Variants in PPARGC1A observed in about 807,000 individuals in gnomAD.
PPARGC1A encodes the protein peroxisome proliferator-activated receptor gamma coactivator 1-alpha.
A neutral mutation model predicts 88.7 loss-of-function variants in PPARGC1A; 25 were observed. The ratio of observed to expected loss-of-function variants is 0.28; its 90% confidence interval spans 0.21 to 0.39. The LOEUF (loss-of-function observed/expected upper bound fraction) is 0.39, where lower values mean the gene tolerates loss of function less well. PPARGC1A is among the 10% of genes least tolerant of loss of function. The pLI is 1.00. For missense variants in PPARGC1A, 880 were observed against 968.7 expected (o/e 0.91, Z 1.22); for synonymous variants, 363 against 355.6 (o/e 1.02, Z -0.24).
the PPARGC1A span, among the ~76,000 whole-genome samples, chr4:24,270,323 C>G: frequency 8.5e-3 from 464 of 54,808 alleles, 6 homozygotes; most frequent in African/African-American, 0.032. Flanking sequence ...CTCTCTCTCT[C>G]TCTCTCTCTC....
At chr4:23,907,575 G>C (rs1720196602), upstream of PPARGC1A, among the ~76,000 whole-genome samples, 1 of 152,138 alleles carries the variant, frequency 6.6e-6, no homozygotes, top group African/African-American at 2.4e-5. Flanking sequence ...TGCTTAACTT[G>C]TCTGATTCTT....
At chr4:23,801,999 A>G in intron 11 of PPARGC1A, 118 bp from the exon 12 acceptor site, 2 of 1,343,494 alleles carry the variant, frequency 1.5e-6, no homozygotes, top group East Asian at 2.5e-5. Flanking sequence ...GAATCCATTT[A>G]TCAGTGTGAT....
chr4:24,396,880 T>A, the PPARGC1A span, among the ~76,000 whole-genome samples: 2 of 152,158 alleles, frequency 1.3e-5, no homozygotes, highest in African/African-American at 4.8e-5. Flanking sequence ...CCTGGTCCCT[T>A]TTGGTGTGAT....
At chr4:23,938,151 C>A in the PPARGC1A span, among the ~76,000 whole-genome samples, 13 of 151,510 alleles carry the variant, frequency 8.6e-5, no homozygotes, top group African/African-American at 3.2e-4. Flanking sequence ...TGCATAGAGA[C>A]AGGAAAACCA....
At chr4:24,464,269 T>G in the PPARGC1A span, among the ~76,000 whole-genome samples, 1 of 152,256 alleles carries the variant, frequency 6.6e-6, no homozygotes, top group Non-Finnish European at 1.5e-5. Flanking sequence ...CCATTTGAAA[T>G]GTAATTGATT....
chr4:23,820,311 T>C (rs1310538512), intron 7 of PPARGC1A: 1 of 152,518 alleles, frequency 6.6e-6, no homozygotes, highest in Non-Finnish European at 1.5e-5. Context: ...TCTGATTATA[T>C]TTTTTGCTCT....
the PPARGC1A span, among the ~76,000 whole-genome samples, chr4:24,141,151 A>G: frequency 1.3e-5 from 2 of 152,226 alleles, no homozygotes; most frequent in South Asian, 4.1e-4. Context: ...AAAAGCAGAA[A>G]AAAATCCCTT....
the PPARGC1A span, among the ~76,000 whole-genome samples, chr4:24,286,774 C>T: frequency 6.6e-6 from 1 of 152,090 alleles, no homozygotes; most frequent in Non-Finnish European, 1.5e-5. Flanking sequence ...CTTCAGTGAA[C>T]CAGGAATCAG....
the PPARGC1A span, among the ~76,000 whole-genome samples, chr4:24,225,461 C>A: frequency 6.6e-6 from 1 of 151,118 alleles, no homozygotes; most frequent in Non-Finnish European, 1.5e-5. Context: ...CCCAGCTACT[C>A]GGGAGGCTGA....
the PPARGC1A span, among the ~76,000 whole-genome samples, chr4:23,996,674 T>C: frequency 6.6e-6 from 1 of 152,176 alleles, no homozygotes; most frequent in Non-Finnish European, 1.5e-5. Context: ...CCTATAAAGA[T>C]TTAGGCCAAA....
the PPARGC1A span, among the ~76,000 whole-genome samples, chr4:24,110,721 T>A: frequency 6.6e-6 from 1 of 152,344 alleles, no homozygotes; most frequent in South Asian, 2.1e-4. Context: ...GACAGGCACA[T>A]TAAACATCTC....
the PPARGC1A span, among the ~76,000 whole-genome samples, chr4:23,923,144 G>A: frequency 6.9e-6 from 1 of 145,852 alleles, no homozygotes; most frequent in African/African-American, 2.5e-5. Flanking sequence ...TTTATTTTTG[G>A]TGAAACGATA....
chr4:24,382,074 TA>T, the PPARGC1A span, among the ~76,000 whole-genome samples: 3 of 152,194 alleles, frequency 2.0e-5, no homozygotes, highest in African/African-American at 7.2e-5. Flanking sequence ...TTTAGGAATT[TA>T]TTACATAATA....
the PPARGC1A span, among the ~76,000 whole-genome samples, chr4:24,174,936 T>C: frequency 6.6e-6 from 1 of 152,194 alleles, no homozygotes; most frequent in African/African-American, 2.4e-5. Context: ...ATATATCCTG[T>C]GAAAATGCCC....
chr4:23,942,775 T>C, the PPARGC1A span, among the ~76,000 whole-genome samples: 1 of 152,182 alleles, frequency 6.6e-6, no homozygotes, highest in Non-Finnish European at 1.5e-5. Context: ...GAGTCCAATA[T>C]TTACATAAAC....
At chr4:24,219,716 G>A in the PPARGC1A span, among the ~76,000 whole-genome samples, 2,499 of 152,222 alleles carry the variant, frequency 0.016, 83 homozygotes, top group African/African-American at 0.057. Context: ...GATGATGTTT[G>A]GATATTTGAT....
chr4:23,821,062 A>T (rs1048043397), intron 7 of PPARGC1A, among the ~76,000 whole-genome samples: 1 of 152,122 alleles, frequency 6.6e-6, no homozygotes, highest in Non-Finnish European at 1.5e-5. Context: ...ATGAGCACAG[A>T]CTTGGCCTTA....
At chr4:24,020,822 C>T in the PPARGC1A span, among the ~76,000 whole-genome samples, 4 of 152,312 alleles carry the variant, frequency 2.6e-5, no homozygotes, top group East Asian at 1.9e-4. Context: ...TTTCTCCCCA[C>T]GGTGAGCATC....
At chr4:23,945,033 TA>T in the PPARGC1A span, among the ~76,000 whole-genome samples, 1 of 152,086 alleles carries the variant, frequency 6.6e-6, no homozygotes. Flanking sequence ...ATCTTTAAAA[TA>T]AAAATAGTCA....
Sources: allele counts gnomAD v4.1 joint callset (sites outside exome capture counted in the v4.1 genomes callset), GRCh38; gene constraint gnomAD v4.1.1; transcripts MANE v1.5; gene names NCBI Gene and HGNC (gene_info 2026-07-23, HGNC 2026-07-21).